DPYSL3: variants seen among roughly 807,000 people sequenced by gnomAD.
The protein encoded by DPYSL3 is dihydropyrimidinase-related protein 3.
DPYSL3 carries 16 observed loss-of-function variants against 66.1 expected under a neutral mutation model. The observed-to-expected ratio is 0.24, with a 90% CI of 0.16 to 0.37. The LOEUF is 0.37. Among genes scored for constraint, DPYSL3 ranks in the 10% least tolerant of loss-of-function variants. The pLI, the probability that DPYSL3 is intolerant of heterozygous loss-of-function variation, is 1.00. For missense variants in DPYSL3, 738 were observed against 916.2 expected, an observed-to-expected ratio of 0.81 and a Z score of 2.51; for synonymous variants, 338 against 345.1, an observed-to-expected ratio of 0.98 and a Z score of 0.23.
rs187606817 is a variant in DPYSL3, at chr5:147,401,822, A to T, written c.1154-126T>A. 2.3e-4 allele frequency: 272 copies of T among 1,157,896 alleles called. 1 individual carries two copies. The African/African-American group carries it at 3.8e-3, about 16-fold the overall frequency. 71.7% of individuals were successfully genotyped at this position (1,157,896 alleles called of 1,614,324 possible). On this transcript the variant is annotated intron_variant, in intron 8 of 13. Transcript: ENST00000343218. ...TCAGAGTCAGACTGACCTGGGTTCA[A>T]GTCCATGTTCCCACCTTTTTAAAGC...
intron 8 of DPYSL3, 108 bp downstream of exon 8, chr5:147,405,502 C>T: frequency 7.0e-7 from 1 of 1,421,312 alleles, no homozygotes. Context: ...TCCTAGGGAG[C>T]AAGGCAATGA....
chr5:147,491,543 G>C (rs1223841299), intron 1 of DPYSL3, among the ~76,000 whole-genome samples: 1 of 152,086 alleles, frequency 6.6e-6, no homozygotes, highest in Non-Finnish European at 1.5e-5. Flanking sequence ...AGTAGAAAAA[G>C]TAGACAACAT....
chr5:147,453,707 G>T, intron 1 of DPYSL3: 1 of 1,332,854 alleles, frequency 7.5e-7, no homozygotes, highest in Non-Finnish European at 9.6e-7. Context: ...CGCTGGCCGC[G>T]CCGCCGCCTC....
intron 1 of DPYSL3, among the ~76,000 whole-genome samples, chr5:147,450,404 G>A (rs1449565402): frequency 8.5e-5 from 13 of 152,100 alleles, no homozygotes; most frequent in Non-Finnish European, 1.3e-4. Context: ...GGCCCATCGC[G>A]AGACAGTGAA....
chr5:147,424,442 C>A (rs1752149399), intron 2 of DPYSL3, among the ~76,000 whole-genome samples: 1 of 152,184 alleles, frequency 6.6e-6, no homozygotes, highest in South Asian at 2.1e-4. Flanking sequence ...ATTTGCAAAT[C>A]TTGCATGAAA....
intron 1 of DPYSL3, among the ~76,000 whole-genome samples, chr5:147,443,593 GT>G (rs541962514): frequency 8.3e-4 from 119 of 143,126 alleles, no homozygotes; most frequent in East Asian, 2.9e-3. Context: ...CATGTATCCC[GT>G]TTTTTTTTTT....
At chr5:147,503,738 C>T (rs1444106167) in intron 1 of DPYSL3, among the ~76,000 whole-genome samples, 1 of 152,136 alleles carries the variant, frequency 6.6e-6, no homozygotes, top group Non-Finnish European at 1.5e-5. Flanking sequence ...ACAAGAAGAC[C>T]ATTACTATAG....
At position 147,452,239 on chromosome 5, in the gene DPYSL3, G is replaced by A. The variant is rs192444825; in HGVS notation, c.382-27276C>T. Among the ~76,000 whole-genome samples, 434 of 152,274 alleles carry A rather than the reference G, an allele frequency of 2.9e-3. 1 individual carries two copies. Among genetic ancestry groups the A allele is most frequent in the Middle Eastern group, 6.8e-3 (2 of 294 alleles). On this transcript the variant is annotated intron_variant, in intron 1 of 13. Transcript: ENST00000343218. ...GAGGGGAAGGTTCTGCATCTCAATC[G>A]CAAACGCACAGGATGTTCCAAGCCT...
intron 1 of DPYSL3, among the ~76,000 whole-genome samples, chr5:147,445,881 C>T (rs1023965864): frequency 7.2e-5 from 11 of 152,246 alleles, no homozygotes; most frequent in Admixed American, 3.9e-4. Flanking sequence ...TTAATACTAA[C>T]GCTCTACTAG....
At chr5:147,447,156 G>T (rs1306969726) in intron 1 of DPYSL3, among the ~76,000 whole-genome samples, 2 of 152,160 alleles carry the variant, frequency 1.3e-5, no homozygotes, top group East Asian at 3.8e-4. Context: ...CTTTTACTAA[G>T]ACAGTTAACA....
chr5:147,415,872 A>G lies in DPYSL3; in HGVS notation c.657T>C (p.Ile219=). The stretch of plus-strand genomic sequence containing the variant: ...ACTCAGGCTCAGGCACCACATGGTC[A>G]ACTGAATGACAGAGACCCCAGATGA... ...AALAGGTTMI[I]DHVVPEPESS... Residue 219 remains isoleucine (I), a splice_region_variant and synonymous_variant, in exon 4 of 14, where the codon ATT becomes ATC. Transcript: ENST00000343218. 6.2e-7 allele frequency: 1 copy of G among 1,613,438 alleles called. No homozygotes were observed. The highest frequency in any genetic ancestry group is 8.5e-7 in the Non-Finnish European group (1 of 1,179,726).
intron 1 of DPYSL3, among the ~76,000 whole-genome samples, chr5:147,502,899 G>T (rs1753634709): frequency 6.6e-6 from 1 of 152,012 alleles, no homozygotes; most frequent in Non-Finnish European, 1.5e-5. Context: ...TTGCAAAAAT[G>T]AGTAAAGACA....
At chr5:147,437,434 C>T (rs1285492982) in intron 1 of DPYSL3, among the ~76,000 whole-genome samples, 2 of 152,298 alleles carry the variant, frequency 1.3e-5, no homozygotes, top group Non-Finnish European at 2.9e-5. Context: ...TCAAGTCTGA[C>T]ATTGTATTTT....
At chr5:147,471,882 A>C (rs182480599) in intron 1 of DPYSL3, among the ~76,000 whole-genome samples, 1 of 152,268 alleles carries the variant, frequency 6.6e-6, no homozygotes, top group East Asian at 1.9e-4. Context: ...GCCATATGCC[A>C]ATACATGTTT....
chr5:147,464,192 C>T (rs1342458047), intron 1 of DPYSL3, among the ~76,000 whole-genome samples: 2 of 152,176 alleles, frequency 1.3e-5, no homozygotes, highest in Non-Finnish European at 2.9e-5. Context: ...AGGGAGCCAT[C>T]CTCCAGGGTG....
intron 1 of DPYSL3, among the ~76,000 whole-genome samples, chr5:147,470,497 T>C (rs1167278310): frequency 6.6e-6 from 1 of 152,086 alleles, no homozygotes; most frequent in African/African-American, 2.4e-5. Flanking sequence ...CTTCTTGTCT[T>C]TCAGGTCTCA....
At chr5:147,440,542 C>T (rs931641691) in intron 1 of DPYSL3, among the ~76,000 whole-genome samples, 7 of 152,164 alleles carry the variant, frequency 4.6e-5, no homozygotes, top group East Asian at 3.9e-4. Context: ...GATGTCTTCA[C>T]GGCCCACGGC....
chr5:147,399,094 C>T lies in DPYSL3; in HGVS notation c.1611G>A (p.Lys537=), dbSNP rs767815118. 1.9e-6 allele frequency: 3 copies of T among 1,614,096 alleles called. No homozygotes were observed. The South Asian group carries it at 3.3e-5, about 18-fold the overall frequency. The change falls in exon 11 of 14, where the codon AAG becomes AAA. Residue 537 remains lysine (K), a synonymous_variant. Transcript: ENST00000343218. ...GAGCGGGCCTTACAGACTGGTGGTTCTTGGCAGAGACGATCTTCACAGCAT... is the reference window on the plus strand; with the variant it reads ...GAGCGGGCCTTACAGACTGGTGGTTTTTGGCAGAGACGATCTTCACAGCAT... ...DPDAVKIVSA[K]NHQSAAEYNI...
At chr5:147,425,838 A>G (rs893827851) in intron 1 of DPYSL3, among the ~76,000 whole-genome samples, 1 of 152,216 alleles carries the variant, frequency 6.6e-6, no homozygotes, top group African/African-American at 2.4e-5. Context: ...CATTAAATGA[A>G]TGGAGCTTAG....
Sources: gnomAD v4.1 joint callset for allele counts (sites outside exome capture counted in the v4.1 genomes callset) on GRCh38, gnomAD v4.1.1 for gene constraint, MANE v1.5 for transcripts, NCBI Gene and HGNC (gene_info 2026-07-23, HGNC 2026-07-21) for gene names.